The following POLL variants were observed in gnomAD, a reference collection of about 807,000 sequenced individuals.
The protein encoded by POLL is DNA polymerase beta-2.
A neutral mutation model predicts 58.1 loss-of-function variants in POLL; 44 were observed. That is an observed-to-expected ratio of 0.76 (90% CI 0.60 to 0.97). The LOEUF (loss-of-function observed/expected upper bound fraction) is 0.97. POLL is among the 50% of genes least tolerant of loss of function. POLL has a pLI of 0.00. For missense variants in POLL, 632 were observed against 736.8 expected (o/e 0.86, Z 1.65); for synonymous variants, 290 against 283.2 (o/e 1.02, Z -0.24).
intron 7 of POLL, 126 bp downstream of exon 7, chr10:101,582,637 C>T: frequency 2.0e-6 from 2 of 999,454 alleles, no homozygotes; most frequent in Non-Finnish European, 3.1e-6. Flanking sequence ...TGTGCTCAAC[C>T]TCTGGTGATC....
In POLL at chr10:101,588,181, G is replaced by A. The variant is rs1055914435; in HGVS notation, c.-406C>T. ...TACTGGCCAAGCTAGTCACCCGGGG[G>A]TGGGCAGGAATAGACCACTTACCAG... On this transcript the variant is annotated 5_prime_UTR_variant, in exon 1 of 9. Coordinates refer to ENST00000370162, the MANE Select transcript of POLL (RefSeq NM_001174084.2). 6 of 1,527,682 alleles carry A rather than the reference G, an allele frequency of 3.9e-6. No homozygotes were observed. The highest frequency in any genetic ancestry group is 4.0e-5 in the Admixed American group (2 of 50,572). 94.6% of individuals were successfully genotyped at this position (1,527,682 alleles called of 1,614,324 possible). A position where few individuals can be genotyped will look rare whatever the true frequency, so the allele number is the denominator to read the frequency against.
In POLL at chr10:101,580,453, G is replaced by T. The variant is rs781474380; in HGVS notation, c.1195-37C>A. On this transcript the variant is annotated intron_variant, in intron 7 of 8. Transcript: ENST00000370162. This position sits in a 1 kb window ranked among gnomAD's most constrained non-coding sequence, Gnocchi z 4.1. The stretch of plus-strand genomic sequence containing the variant: ...AGCGGTGACAGGTGAGGGGCTGTGC[G>T]TGGGGAGCTCCTCTCCCACAGCAGT... 7 of 1,595,494 alleles carry T rather than the reference G, an allele frequency of 4.4e-6. No homozygotes were observed. The highest frequency in any genetic ancestry group is 6.0e-6 in the Non-Finnish European group (7 of 1,167,168).
Position 101,584,806 on chromosome 10 carries a change from A to G in POLL, c.687T>C (p.Pro229=), listed in dbSNP as rs867739302. The change falls in exon 5 of 9, where the codon CCT becomes CCC. Residue 229 remains proline (P), a synonymous_variant. Coordinates refer to ENST00000370162, the MANE Select transcript of POLL (RefSeq NM_001174084.2). ...TATCCAGGACAGCAGGGGCTGGGCT[A>G]GGCTCACAATCTCCCTCAAGGGAGG... The part of the protein sequence containing the change: ...YPTSLEGDCE[P]SPAPAVLDKW... 6.3e-7 allele frequency: 1 copy of G among 1,595,184 alleles called. No homozygotes were observed. Among genetic ancestry groups the G allele is most frequent in the South Asian group, 1.1e-5 (1 of 88,480 alleles).
At chr10:101,587,518 G>A in intron 1 of POLL, 112 bp from the exon 2 acceptor site, 1 of 1,489,734 alleles carries the variant, frequency 6.7e-7, no homozygotes, top group African/African-American at 1.4e-5. Context: ...GCGGGTCGGG[G>A]GAGGGGGTCT....
rs777657777 is a variant in POLL, at chr10:101,584,612, G to A, written c.881C>T (p.Thr294Ile). Residue 294 changes from threonine to isoleucine, a missense_variant, in exon 5 of 9, where the codon ACC becomes ATC. Coordinates refer to ENST00000370162, the MANE Select transcript of POLL (RefSeq NM_001174084.2). ...NALKSFHKPV[T>I]SYQEACSIPG... is the part of the protein sequence containing the mutation. ...CTAGCCCCTGGGTACCTGGTACGAG[G>A]TGACAGGCTTATGGAAGCTCTTGAG... 5.7e-6 allele frequency: 9 copies of A among 1,566,062 alleles called. No individual in the cohort carries two copies. The highest frequency in any genetic ancestry group is 1.2e-5 in the South Asian group (1 of 84,244).
intron 2 of POLL, among the ~76,000 whole-genome samples, chr10:101,586,485 TTTG>T (rs1238834437): frequency 2.0e-5 from 3 of 152,134 alleles, no homozygotes; most frequent in African/African-American, 4.8e-5. Context: ...GTTTGTTTGT[TTTG>T]TTTTCTTTTG....
chr10:101,585,978 G>T lies in POLL; in HGVS notation c.294C>A (p.Leu98=). The part of the protein sequence containing the change: ...GMDYERALRL[L]RLPQLPPGAQ... ...CACCCGGGGGCAGCTGGGGTAGTCT[G>T]AGAAGGCGGAGGGCTCGCTCATAGT... Residue 98 remains leucine (L), a synonymous_variant, in exon 3 of 9, where the codon CTC becomes CTA. Coordinates refer to ENST00000370162, the MANE Select transcript of POLL (RefSeq NM_001174084.2). The T allele has an allele frequency of 6.2e-7, 1 of 1,614,150 alleles. No individual in the cohort carries two copies. Among genetic ancestry groups the T allele is most frequent in the East Asian group, 2.2e-5 (1 of 44,880 alleles).
rs771733974 is a variant in POLL, at chr10:101,585,407, A to C, written c.482T>G (p.Leu161Arg). The change falls in exon 4 of 9, where the codon CTG becomes CGG. Residue 161 changes from leucine (L) to arginine (R), a missense_variant. Physicochemically the swap from Leu to Arg is moderately radical, Grantham distance 102. Transcript: ENST00000370162. Reference sequence around the variant, plus strand: ...AGGAGGAGAAAGGGCTGTCTGAAGCAGGGCCTCATGGGTGCCAGGAGGAAT... The same window carrying C: ...AGGAGGAGAAAGGGCTGTCTGAAGCCGGGCCTCATGGGTGCCAGGAGGAAT... ...ASIPPGTHEA[L>R]LQTALSPPPP... 1 of 1,608,934 alleles carries C rather than the reference A, an allele frequency of 6.2e-7. No individual in the cohort carries two copies. The highest frequency in any genetic ancestry group is 2.2e-5 in the East Asian group (1 of 44,700).
rs770713461 is a variant in POLL at position 101,585,868 on chromosome 10, G to C, written c.404C>G (p.Pro135Arg). ...AAGACTGGGATCAGCCCACCTACTG[G>C]GGATGAAGATGCTGAATCCAGCTAC... ...VDVAGFSIFIPSRYLDHPQPS... is the reference protein window; with the variant it reads ...VDVAGFSIFIRSRYLDHPQPS... Residue 135 changes from proline to arginine, a missense_variant, in exon 3 of 9, where the codon CCC (proline) becomes CGC (arginine). Pro to Arg is a moderately radical substitution (Grantham distance 103). Transcript: ENST00000370162. The C allele has an allele frequency of 6.4e-7, 1 of 1,570,312 alleles. No homozygotes were observed. The highest frequency in any genetic ancestry group is 1.7e-4 in the Middle Eastern group (1 of 5,890).
intron 6 of POLL, 192 bp from the exon 7 acceptor site, chr10:101,583,083 C>T: frequency 1.5e-6 from 1 of 667,314 alleles, no homozygotes. Context: ...ATGCCATCAT[C>T]CAGCCCTGCC....
Position 101,586,121 on chromosome 10 carries a change from T to G in POLL, c.151A>C (p.Thr51Pro), listed in dbSNP as rs1397399481. The G allele has an allele frequency of 6.2e-7, 1 of 1,613,540 alleles. No individual in the cohort carries two copies. The highest frequency in any genetic ancestry group is 1.3e-5 in the African/African-American group (1 of 74,930). Residue 51 changes from threonine to proline, a missense_variant, in exon 3 of 9, where the codon ACT (threonine) becomes CCT (proline). Coordinates refer to ENST00000370162, the MANE Select transcript of POLL (RefSeq NM_001174084.2). The stretch of plus-strand genomic sequence containing the variant: ...TCTGCCCGGGCTCGTCCAATGCCAG[T>G]GCGCACAACATGGGCCCGAAGGGAG... ...LSSLRAHVVR[T>P]GIGRARAELF...
In POLL at chr10:101,580,291, G is replaced by T. The variant is rs1455078217; in HGVS notation, c.1320C>A (p.His440Gln). ...VLITHPDGRSHRGIFSRLLDS... is the reference protein window; with the variant it reads ...VLITHPDGRSQRGIFSRLLDS... ...CAAGGAGGCGGCTGAAGATACCCCG[G>T]TGGGACCGGCCATCTGGGTGAGTGA... The change falls in exon 8 of 9, where the codon CAC (histidine) becomes CAA (glutamine). Residue 440 changes from histidine (H) to glutamine (Q), a missense_variant. Coordinates refer to ENST00000370162, the MANE Select transcript of POLL (RefSeq NM_001174084.2). The surrounding 1 kb of genome is among the most constrained non-coding windows in gnomAD (Gnocchi z 4.1). 1 of 1,614,026 alleles carries T rather than the reference G, an allele frequency of 6.2e-7. No homozygotes were observed. Among genetic ancestry groups the T allele is most frequent in the Admixed American group, 1.7e-5 (1 of 60,026 alleles).
intron 2 of POLL, chr10:101,587,034 A>T: frequency 1.0e-6 from 1 of 958,638 alleles, no homozygotes; most frequent in Non-Finnish European, 1.6e-6. Flanking sequence ...TGATGGATAG[A>T]GGTCTTCGGG....
At position 101,579,759 on chromosome 10, in the gene POLL, C is replaced by A. The variant is rs1482224498; in HGVS notation, c.1422G>T (p.Leu474Phe). 1.2e-6 allele frequency: 2 copies of A among 1,613,906 alleles called. No homozygotes were observed. The highest frequency in any genetic ancestry group is 1.7e-6 in the Non-Finnish European group (2 of 1,180,018). The change falls in exon 9 of 9, where the codon TTG (leucine) becomes TTT (phenylalanine). Residue 474 changes from leucine (L) to phenylalanine (F), a missense_variant. Physicochemically the swap from Leu to Phe is conservative, Grantham distance 22. Coordinates refer to ENST00000370162, the MANE Select transcript of POLL (RefSeq NM_001174084.2). The surrounding 1 kb of genome is among the most constrained non-coding windows in gnomAD (Gnocchi z 4.4). ...CTGGCCCTGGGAGCCGGCACACCCC[C>A]AAGTACTTCTGTTGCTGACCATTCT... ...QEENGQQQKYLGVCRLPGPGR... is the reference protein window; with the variant it reads ...QEENGQQQKYFGVCRLPGPGR...
At position 101,580,135 on chromosome 10, in the gene POLL, T is replaced by G. The variant is rs926941991; in HGVS notation, c.1363+113A>C. On this transcript the variant is annotated intron_variant, in intron 8 of 8. Transcript: ENST00000370162. The surrounding 1 kb of genome is among the most constrained non-coding windows in gnomAD (Gnocchi z 4.1). ...GAGAGATGGGATGCTGGCAAAGCAC[T>G]GTTCCCCTGCTTCCTGCCTCAGGAC... 4.2e-6 allele frequency: 4 copies of G among 961,114 alleles called. No homozygotes were observed. The African/African-American group carries it at 6.5e-5, about 16-fold the overall frequency. 59.5% of individuals were successfully genotyped at this position (961,114 alleles called of 1,614,324 possible).
In POLL at chr10:101,588,144, G is replaced by C; in HGVS notation, c.-369C>G. 1.3e-6 allele frequency: 2 copies of C among 1,518,278 alleles called. No homozygotes were observed. Among genetic ancestry groups the C allele is most frequent in the Non-Finnish European group, 1.8e-6 (2 of 1,135,098 alleles). The allele number at this position is 1,518,278 out of a possible 1,614,324, so 94.1% of individuals were successfully genotyped here. On this transcript the variant is annotated 5_prime_UTR_variant, in exon 1 of 9. Coordinates refer to ENST00000370162, the MANE Select transcript of POLL (RefSeq NM_001174084.2). ...CTCCAACCCCCAGAGTCGGTCCCCG[G>C]GTGGGGTCGACTACTGGCCAAGCTA...
Position 101,579,768 on chromosome 10 carries a change from C to A in POLL, c.1413G>T (p.Gln471His). ...GGAGCCGGCACACCCCCAAGTACTT[C>A]TGTTGCTGACCATTCTCCTCTTGGC... ...LVSQEENGQQQKYLGVCRLPG... is the reference protein window; with the variant it reads ...LVSQEENGQQHKYLGVCRLPG... Residue 471 changes from glutamine (Q) to histidine (H), a missense_variant, in exon 9 of 9, where the codon CAG (glutamine) becomes CAT (histidine). Gln to His is a conservative substitution (Grantham distance 24, BLOSUM62 0). Transcript: ENST00000370162. This position sits in a 1 kb window ranked among gnomAD's most constrained non-coding sequence, Gnocchi z 4.4. The A allele has an allele frequency of 1.2e-6, 2 of 1,613,890 alleles. No homozygotes were observed. Among genetic ancestry groups the A allele is most frequent in the Non-Finnish European group, 1.7e-6 (2 of 1,180,010 alleles).
rs2063289401 is a variant in POLL, at chr10:101,585,725, C to T, written c.410+137G>A. On this transcript the variant is annotated intron_variant, in intron 3 of 8. Coordinates refer to ENST00000370162, the MANE Select transcript of POLL (RefSeq NM_001174084.2). ...TCAATCAATCCTCCCACCTAAACCT[C>T]TTATAGCTGGGACTACAGGCACACC... 1.3e-5 allele frequency: 11 copies of T among 848,346 alleles called. No homozygotes were observed. In the South Asian group the frequency reaches 2.2e-4, roughly 17 times the overall value. 52.6% of individuals were successfully genotyped at this position (848,346 alleles called of 1,614,324 possible). A position where few individuals can be genotyped will look rare whatever the true frequency, so the allele number is the denominator to read the frequency against.
chr10:101,580,141 C>T lies in POLL; in HGVS notation c.1363+107G>A, dbSNP rs374780051. On this transcript the variant is annotated intron_variant, in intron 8 of 8. Transcript: ENST00000370162. This position sits in a 1 kb window ranked among gnomAD's most constrained non-coding sequence, Gnocchi z 4.1. Reference sequence around the variant, plus strand: ...TGGGATGCTGGCAAAGCACTGTTCCCCTGCTTCCTGCCTCAGGACTGGAAC... The same window carrying T: ...TGGGATGCTGGCAAAGCACTGTTCCTCTGCTTCCTGCCTCAGGACTGGAAC... The T allele has an allele frequency of 2.0e-6, 2 of 1,002,864 alleles. No individual in the cohort carries two copies. The highest frequency in any genetic ancestry group is 3.2e-5 in the African/African-American group (2 of 62,300). 62.1% of individuals were successfully genotyped at this position (1,002,864 alleles called of 1,614,324 possible).
Sources: gnomAD v4.1 joint callset for allele counts (sites outside exome capture counted in the v4.1 genomes callset) on GRCh38, gnomAD v4.1.1 for gene constraint, Gnocchi (gnomAD v3.1) non-coding constraint, MANE v1.5 for transcripts, NCBI Gene and HGNC (gene_info 2026-07-23, HGNC 2026-07-21) for gene names.